The following SH2D4A variants were observed in gnomAD, a reference collection of about 807,000 sequenced individuals.
The protein encoded by SH2D4A is SH2 domain containing 4A.
A neutral mutation model predicts 64.7 loss-of-function variants in SH2D4A; 70 were observed. The ratio of observed to expected loss-of-function variants is 1.08; its 90% CI spans 0.89 to 1.32. The LOEUF (loss-of-function observed/expected upper bound fraction) is 1.32. Among genes scored for constraint, SH2D4A ranks in the 40% most tolerant of loss-of-function variants. The probability of loss-of-function intolerance (pLI) is 0.00; values close to 1 mark genes in which losing one functional copy is unlikely to be tolerated. For synonymous variants in SH2D4A, 268 were observed against 200.7 expected, an observed-to-expected ratio of 1.34 and a Z score of -2.83; for missense variants, 706 against 540.1, an observed-to-expected ratio of 1.31 and a Z score of -3.04.
At chr8:19,384,091 C>T (rs186882063) in intron 8 of SH2D4A, among the ~76,000 whole-genome samples, 1 of 152,296 alleles carries the variant, frequency 6.6e-6, no homozygotes, top group East Asian at 1.9e-4. Flanking sequence ...TGTAACTAAG[C>T]AGCACTTCAG....
At chr8:19,318,409 A>G (rs1388383934) in intron 1 of SH2D4A, among the ~76,000 whole-genome samples, 1 of 152,202 alleles carries the variant, frequency 6.6e-6, no homozygotes, top group Non-Finnish European at 1.5e-5. Context: ...GTGTGGTAAT[A>G]TTTTTAAGCC....
chr8:19,338,956 G>A (rs1027892341), intron 4 of SH2D4A, among the ~76,000 whole-genome samples: 1 of 152,148 alleles, frequency 6.6e-6, no homozygotes, highest in Non-Finnish European at 1.5e-5. Context: ...CGATCACAAG[G>A]TGAAGTCCCA....
rs562233734 is a variant in SH2D4A, at chr8:19,323,250, C to T, written c.181+3522C>T. Among the ~76,000 whole-genome samples, 8 of 152,018 alleles carry T rather than the reference C, an allele frequency of 5.3e-5. No homozygotes were observed. The South Asian group carries it at 6.2e-4, about 12-fold the overall frequency. On this transcript the variant is annotated intron_variant, in intron 2 of 9. Coordinates refer to ENST00000265807, the MANE Select transcript of SH2D4A (RefSeq NM_022071.4). ...GAGGTGTGCTATACATGTAAACTAC[C>T]GGATTTCAAAGACTTGGTAGAAGGA...
Position 19,334,692 on chromosome 8 carries a change from T to C in SH2D4A, c.348T>C (p.Thr116=). ...AEQEAEEPRK[T]HSEEFTNSLK... is the part of the protein sequence containing the mutation. Reference sequence around the variant, plus strand: ...CACTTTTGCCTCTCTTCAGAAAAACTCACTCTGAAGAATTCACCAATAGCT... The same window carrying C: ...CACTTTTGCCTCTCTTCAGAAAAACCCACTCTGAAGAATTCACCAATAGCT... Residue 116 remains threonine, a synonymous_variant, in exon 4 of 10, where the codon ACT becomes ACC. Coordinates refer to ENST00000265807, the MANE Select transcript of SH2D4A (RefSeq NM_022071.4). The C allele has an allele frequency of 3.8e-6, 6 of 1,592,948 alleles. No homozygotes were observed.
chr8:19,329,971 G>A (rs1007993579), intron 2 of SH2D4A, among the ~76,000 whole-genome samples: 3 of 152,166 alleles, frequency 2.0e-5, no homozygotes, highest in African/African-American at 4.8e-5. Context: ...TGCCTGACAC[G>A]TATTAGATAT....
intron 5 of SH2D4A, 92 bp downstream of exon 5, chr8:19,357,375 T>C (rs2052809873): frequency 5.2e-6 from 5 of 953,890 alleles, no homozygotes; most frequent in Middle Eastern, 2.2e-4. Context: ...CATGCAGAAA[T>C]GAAATTAAGC....
intron 2 of SH2D4A, among the ~76,000 whole-genome samples, chr8:19,327,209 A>T (rs1040427623): frequency 7.2e-5 from 11 of 152,210 alleles, no homozygotes; most frequent in African/African-American, 2.7e-4. Flanking sequence ...GAAACCCCCA[A>T]GATAGCAAAC....
chr8:19,316,485 G>T (rs556582954), intron 1 of SH2D4A, among the ~76,000 whole-genome samples: 4 of 152,154 alleles, frequency 2.6e-5, no homozygotes, highest in Non-Finnish European at 5.9e-5. Context: ...TAAGTGTCTG[G>T]TGAATACGTG....
chr8:19,388,827 G>A (rs772266074), intron 8 of SH2D4A, among the ~76,000 whole-genome samples: 4 of 152,350 alleles, frequency 2.6e-5, no homozygotes, highest in Non-Finnish European at 5.9e-5. Flanking sequence ...CATCTTCTAA[G>A]TGGCAGGTGC....
chr8:19,375,399 ATCT>A (rs1157055774), intron 8 of SH2D4A: 1 of 152,178 alleles, frequency 6.6e-6, no homozygotes, highest in Non-Finnish European at 1.5e-5. Flanking sequence ...TAGGTTTATC[ATCT>A]TTTCTTTGTC....
At chr8:19,340,280 G>A (rs148554611) in intron 4 of SH2D4A, among the ~76,000 whole-genome samples, 4 of 152,274 alleles carry the variant, frequency 2.6e-5, no homozygotes, top group African/African-American at 7.2e-5. Context: ...GGCTACTTAC[G>A]TGTTTTGACT....
intron 4 of SH2D4A, among the ~76,000 whole-genome samples, chr8:19,350,425 C>T (rs1393986494): frequency 2.0e-5 from 3 of 152,182 alleles, no homozygotes; most frequent in East Asian, 3.8e-4. Flanking sequence ...TGTGCTCTAA[C>T]GTGCTCATAA....
At chr8:19,371,715 G>A (rs2053101931) in intron 7 of SH2D4A, among the ~76,000 whole-genome samples, 1 of 151,900 alleles carries the variant, frequency 6.6e-6, no homozygotes, top group Non-Finnish European at 1.5e-5. Context: ...CTCTTTTGAT[G>A]TTGTCCCACA....
At chr8:19,366,740 C>T (rs780685087) in intron 7 of SH2D4A, among the ~76,000 whole-genome samples, 3 of 151,470 alleles carry the variant, frequency 2.0e-5, no homozygotes, top group Non-Finnish European at 4.4e-5. Flanking sequence ...TGTTGTGAGC[C>T]AAGATCACAC....
intron 3 of SH2D4A, 140 bp from the exon 4 acceptor site, chr8:19,334,546 A>C: frequency 3.4e-5 from 27 of 792,708 alleles, no homozygotes; most frequent in Non-Finnish European, 4.2e-5. Flanking sequence ...ACACCTAGCA[A>C]AGGGCCCAGC....
At chr8:19,333,992 C>T (rs569405859) in intron 3 of SH2D4A, among the ~76,000 whole-genome samples, 104 of 152,214 alleles carry the variant, frequency 6.8e-4, no homozygotes, top group African/African-American at 2.4e-3. Flanking sequence ...ATTCTCTGGA[C>T]GGTGAGGTTT....
intron 8 of SH2D4A, among the ~76,000 whole-genome samples, chr8:19,384,958 A>G (rs1238430384): frequency 2.6e-5 from 4 of 152,204 alleles, no homozygotes; most frequent in African/African-American, 9.6e-5. Flanking sequence ...TATTTGCTTT[A>G]TGTATCAATA....
intron 2 of SH2D4A, among the ~76,000 whole-genome samples, chr8:19,325,498 G>A (rs2052263614): frequency 6.6e-6 from 1 of 152,142 alleles, no homozygotes; most frequent in African/African-American, 2.4e-5. Flanking sequence ...CCACTTTTCT[G>A]TTCCCCCAAC....
At chr8:19,340,717 A>G (rs1189746334) in intron 4 of SH2D4A, among the ~76,000 whole-genome samples, 1 of 148,476 alleles carries the variant, frequency 6.7e-6, no homozygotes, top group Non-Finnish European at 1.5e-5. Context: ...GTTATCCTTC[A>G]GCCTCAGCCT....
Sources: allele counts gnomAD v4.1 joint callset (sites outside exome capture counted in the v4.1 genomes callset), GRCh38; gene constraint gnomAD v4.1.1; transcripts MANE v1.5; gene names NCBI Gene and HGNC (gene_info 2026-07-23, HGNC 2026-07-21).